The following CHKB variants were observed in gnomAD, a reference collection of about 807,000 sequenced individuals.
CHKB encodes choline kinase beta.
Under a neutral mutation model 57.3 loss-of-function variants are expected in CHKB, and 45 were observed. That is an observed-to-expected ratio of 0.79 (90% CI 0.62 to 1.01). CHKB has a LOEUF of 1.01. Among genes scored for constraint, CHKB ranks in the 50% least tolerant of loss-of-function variants. The pLI, the probability that CHKB is intolerant of heterozygous loss-of-function variation, is 0.00. For missense variants in CHKB, 517 were observed against 502.8 expected (o/e 1.03, Z -0.27); for synonymous variants, 224 against 201.8 (o/e 1.11, Z -0.93).
chr22:50,579,492 G>C lies in CHKB; in HGVS notation c.1047C>G (p.Ser349=). The C allele has an allele frequency of 1.2e-6, 2 of 1,613,492 alleles. No homozygotes were observed. Among genetic ancestry groups the C allele is most frequent in the Admixed American group, 1.7e-5 (1 of 60,016 alleles). The change falls in exon 10 of 11, where the codon TCC becomes TCG. Residue 349 remains serine (S), a synonymous_variant. Coordinates refer to ENST00000406938, the MANE Select transcript of CHKB (RefSeq NM_005198.5). ...TGGACCACAGACCCCAGAAGAAATG[G>C]GATGCCAGAGCATACCTGGGGGGAG... is the stretch of plus-strand genomic sequence containing the variant. ...LVEVSRYALA[S]HFFWGLWSIL...
chr22:50,582,710 C>T lies in CHKB; in HGVS notation c.72G>A (p.Gln24=), dbSNP rs535827083. 6.2e-7 allele frequency: 1 copy of T among 1,608,840 alleles called. No homozygotes were observed. The highest frequency in any genetic ancestry group is 2.2e-5 in the East Asian group (1 of 44,672). The change falls in exon 1 of 11, where the codon CAG becomes CAA. Residue 24 remains glutamine (Q), a synonymous_variant. Transcript: ENST00000406938. The stretch of plus-strand genomic sequence containing the variant: ...GGGTAGTGTCCGGGCACTTAGACTG[C>T]TGCAAGCCGTCTTTGGCCAGGCAGC... ...VGGCLAKDGL[Q]QSKCPDTTPK...
At position 50,580,016 on chromosome 22, in the gene CHKB, G is replaced by A; in HGVS notation, c.885C>T (p.Phe295=). The change falls in exon 8 of 11, where the codon TTC becomes TTT. Residue 295 remains phenylalanine, a synonymous_variant. Coordinates refer to ENST00000406938, the MANE Select transcript of CHKB (RefSeq NM_005198.5). Reference sequence around the variant, plus strand: ...GGTAGTCTGTGGGCCTTGCTTTGTAGAAAGGCCATTCCTCGTGAGTATAAT... The same window carrying A: ...GGTAGTCTGTGGGCCTTGCTTTGTAAAAAGGCCATTCCTCGTGAGTATAAT... The part of the protein sequence containing the change: ...VYDYTHEEWP[F]YKARPTDYPT... 1.9e-6 allele frequency: 3 copies of A among 1,614,054 alleles called. No individual in the cohort carries two copies. The highest frequency in any genetic ancestry group is 2.5e-6 in the Non-Finnish European group (3 of 1,180,028).
chr22:50,581,439 G>A lies in CHKB; in HGVS notation c.562C>T (p.Leu188=). Residue 188 remains leucine (L), a synonymous_variant, in exon 4 of 11, where the codon CTG becomes TTG. Coordinates refer to ENST00000406938, the MANE Select transcript of CHKB (RefSeq NM_005198.5). ...ACTCACCGCTCCATGGTCCCAAACA[G>A]CCAGTGGGGCTCCTTGGTGAAAGGC... is the stretch of plus-strand genomic sequence containing the variant. ...EMPFTKEPHW[L]FGTMERYLKQ... 1 of 1,613,608 alleles carries A rather than the reference G, an allele frequency of 6.2e-7. No individual in the cohort carries two copies. Among genetic ancestry groups the A allele is most frequent in the Non-Finnish European group, 8.5e-7 (1 of 1,179,988 alleles).
rs1291561209 is a variant in CHKB at position 50,580,346 on chromosome 22, G to A, written c.736+12C>T. 1 of 1,613,936 alleles carries A rather than the reference G, an allele frequency of 6.2e-7. No homozygotes were observed. On this transcript the variant is annotated intron_variant, in intron 6 of 10. Coordinates refer to ENST00000406938, the MANE Select transcript of CHKB (RefSeq NM_005198.5). Reference sequence around the variant, plus strand: ...CCATCTTGGGTTAGGAGACTCAGATGCCTTCTCCTACCTTCCTGGATGTCA... The same window carrying A: ...CCATCTTGGGTTAGGAGACTCAGATACCTTCTCCTACCTTCCTGGATGTCA...
chr22:50,580,494 T>G, intron 5 of CHKB, 71 bp downstream of exon 5: 1 of 1,609,958 alleles, frequency 6.2e-7, no homozygotes, highest in Non-Finnish European at 8.5e-7. Flanking sequence ...GGCCAGGCCC[T>G]GACACCAGCC....
chr22:50,582,390 G>C, intron 1 of CHKB, 33 bp from the exon 2 acceptor site: 1 of 1,524,558 alleles, frequency 6.6e-7, no homozygotes, highest in South Asian at 1.2e-5. Context: ...CTCAGCCCGC[G>C]GCCGGCCCTA....
chr22:50,579,331 A>G (rs1437469178), intron 10 of CHKB, 76 bp from the exon 11 acceptor site: 1 of 1,582,122 alleles, frequency 6.3e-7, no homozygotes, highest in East Asian at 2.3e-5. Flanking sequence ...CAGGCTGCCC[A>G]CAGCCACCCG....
chr22:50,580,385 C>A lies in CHKB; in HGVS notation c.709G>T (p.Val237Phe). Residue 237 changes from valine to phenylalanine, a missense_variant, in exon 6 of 11, where the codon GTC becomes TTC. Val to Phe is a conservative substitution (Grantham distance 50, BLOSUM62 -1). Coordinates refer to ENST00000406938, the MANE Select transcript of CHKB (RefSeq NM_005198.5). ...TCCTGGATGTCATTGTGGCAGAAGA[C>A]GACTGGCGATGGGGTAGACTCTAGT... Reference protein sequence around the residue: ...KLLESTPSPVVFCHNDIQEGN... With the variant: ...KLLESTPSPVFFCHNDIQEGN... 3 of 1,613,958 alleles carry A rather than the reference C, an allele frequency of 1.9e-6. No individual in the cohort carries two copies. Among genetic ancestry groups the A allele is most frequent in the Non-Finnish European group, 2.5e-6 (3 of 1,180,010 alleles).
intron 1 of CHKB, 71 bp downstream of exon 1, chr22:50,582,487 A>T (rs1438875905): frequency 6.6e-7 from 1 of 1,512,418 alleles, no homozygotes; most frequent in East Asian, 2.6e-5. Context: ...AACATGGAGC[A>T]TCCTGAGGGC....
rs86337 is a variant in CHKB, at chr22:50,582,239, C to T, written c.333+10G>A. 6.4e-7 allele frequency: 1 copy of T among 1,573,188 alleles called. No homozygotes were observed. Among genetic ancestry groups the T allele is most frequent in the Non-Finnish European group, 8.6e-7 (1 of 1,160,836 alleles). On this transcript the variant is annotated intron_variant, in intron 2 of 10. Transcript: ENST00000406938. ...AGCCACTGGTGCTGCGGCGCTCACA[C>T]CCCCCTCACCTGCAAGATGGCTCCG...
At position 50,579,516 on chromosome 22, in the gene CHKB, A is replaced by G; in HGVS notation, c.1032-9T>C. 6.2e-7 allele frequency: 1 copy of G among 1,612,720 alleles called. No individual in the cohort carries two copies. The highest frequency in any genetic ancestry group is 8.5e-7 in the Non-Finnish European group (1 of 1,179,604). The stretch of plus-strand genomic sequence containing the variant: ...GGGATGCCAGAGCATACCTGGGGGG[A>G]GGGCAGGAAAAGGAGGGGCATTCAA... On this transcript the variant is annotated splice_polypyrimidine_tract_variant and intron_variant, in intron 9 of 10. Transcript: ENST00000406938.
Position 50,581,432 on chromosome 22 carries a change from CCAAA to C in CHKB, c.565_568del (p.Phe189GlyfsTer7), listed in dbSNP as rs752436924. 18 of 1,613,344 alleles carry C rather than the reference CCAAA, an allele frequency of 1.1e-5. No homozygotes were observed. The highest frequency in any genetic ancestry group is 1.4e-5 in the Non-Finnish European group (17 of 1,179,980). On this transcript the variant is annotated frameshift_variant, in exon 4 of 11. Transcript: ENST00000406938. LOFTEE classifies it high-confidence loss of function. ...GCTCCTGACTCACCGCTCCATGGTC[CCAAA>C]CAGCCAGTGGGGCTCCTTGGTGAAA...
In CHKB at chr22:50,582,691, T is replaced by C. The variant is rs775859771; in HGVS notation, c.91A>G (p.Thr31Ala). ...GAGGCGCGCCGCCGTTTTGGGGTAG[T>C]GTCCGGGCACTTAGACTGCTGCAAG... ...DGLQQSKCPD[T>A]TPKRRRASSL... is the part of the protein sequence containing the mutation. Residue 31 changes from threonine to alanine, a missense_variant, in exon 1 of 11, where the codon ACT becomes GCT. Coordinates refer to ENST00000406938, the MANE Select transcript of CHKB (RefSeq NM_005198.5). 2 of 1,610,404 alleles carry C rather than the reference T, an allele frequency of 1.2e-6. No individual in the cohort carries two copies. The highest frequency in any genetic ancestry group is 2.2e-5 in the South Asian group (2 of 90,874).
intron 1 of CHKB, 67 bp from the exon 2 acceptor site, chr22:50,582,424 C>T: frequency 6.9e-7 from 1 of 1,453,406 alleles, no homozygotes; most frequent in Non-Finnish European, 9.1e-7. Flanking sequence ...CGGCCCCCTC[C>T]CGGCCAGGCC....
Position 50,579,749 on chromosome 22 carries a change from C to G in CHKB, c.1009G>C (p.Asp337His). Residue 337 changes from aspartate (D) to histidine (H), a missense_variant, in exon 9 of 11, where the codon GAT becomes CAT. Transcript: ENST00000406938. ...CACCGACTGACTTCTACCAGCAAAT[C>G]TTCTTCCAGTTTTCTCTGCTCCTCT... Reference protein sequence around the residue: ...SQEEQRKLEEDLLVEVSRYAL... With the variant: ...SQEEQRKLEEHLLVEVSRYAL... 6.2e-7 allele frequency: 1 copy of G among 1,614,022 alleles called. No individual in the cohort carries two copies. The highest frequency in any genetic ancestry group is 2.2e-5 in the East Asian group (1 of 44,878).
At chr22:50,582,842 TTCCTTCCGGCCGCGCTCGGC>T (rs1183665419) in exon 1 of CHKB, 153 of 1,288,224 alleles carry the variant, frequency 1.2e-4, no homozygotes, top group Non-Finnish European at 1.5e-4. Flanking sequence ...ACGGGCTCGG[TTCCTTCCGGCCGCGCTCGGC>T]TCCTCTTCCG....
At chr22:50,579,874 G>GT in intron 8 of CHKB, 44 bp from the exon 9 acceptor site, 1 of 1,596,882 alleles carries the variant, frequency 6.3e-7, no homozygotes, top group Non-Finnish European at 8.6e-7. Context: ...AGACTGTGGA[G>GT]TATTTCCCAG....
rs1191259906 is a variant in CHKB, at chr22:50,579,127, C to A, written c.*54G>T. ...GGCCTTCTGCTCGTTGTTCCTCCCT[C>A]CAAGGTCCTGCCCTGGAGGCTCCAG... On this transcript the variant is annotated 3_prime_UTR_variant, in exon 11 of 11. Transcript: ENST00000406938. 31 of 1,560,924 alleles carry A rather than the reference C, an allele frequency of 2.0e-5. No homozygotes were observed. In the East Asian group the frequency reaches 6.4e-4, roughly 32 times the overall value.
intron 9 of CHKB, 53 bp from the exon 10 acceptor site, chr22:50,579,560 T>A: frequency 3.8e-6 from 6 of 1,597,034 alleles, no homozygotes; most frequent in Non-Finnish European, 5.1e-6. Flanking sequence ...CTAGCACTGC[T>A]TGGATCCCCT....
Sources: gnomAD v4.1 joint callset for allele counts on GRCh38, gnomAD v4.1.1 for gene constraint, MANE v1.5 for transcripts, NCBI Gene and HGNC (gene_info 2026-07-23, HGNC 2026-07-21) for gene names.